The following CENPW variants were observed in gnomAD, a reference collection of about 807,000 sequenced individuals.
The protein encoded by CENPW is cancer-up-regulated gene 2 protein.
Under a neutral mutation model 11.1 loss-of-function variants are expected in CENPW, and 3 were observed. That is an observed-to-expected ratio of 0.27 (90% CI 0.12 to 0.70). The LOEUF is 0.70. Among genes scored for constraint, CENPW ranks in the 30% least tolerant of loss-of-function variants. The pLI, the probability that CENPW is intolerant of heterozygous loss-of-function variation, is 0.77. For synonymous variants in CENPW, 38 were observed against 42.0 expected (o/e 0.91, Z 0.37); for missense variants, 100 against 105.6 (o/e 0.95, Z 0.23).
the CENPW span, among the ~76,000 whole-genome samples, chr6:126,386,018 A>T: frequency 6.6e-6 from 1 of 152,274 alleles, no homozygotes; most frequent in African/African-American, 2.4e-5. Flanking sequence ...ATAAACCAAG[A>T]GAGTATAAAT....
At chr6:126,460,305 A>G in the CENPW span, among the ~76,000 whole-genome samples, 1 of 151,718 alleles carries the variant, frequency 6.6e-6, no homozygotes, top group African/African-American at 2.4e-5. Flanking sequence ...TAATGTAACC[A>G]ATATTGTTCA....
chr6:126,382,028 G>C, the CENPW span, among the ~76,000 whole-genome samples: 1 of 152,146 alleles, frequency 6.6e-6, no homozygotes, highest in African/African-American at 2.4e-5. Flanking sequence ...GAGGTCAGGA[G>C]TTTGAGACCA....
chr6:126,475,148 A>T, the CENPW span, among the ~76,000 whole-genome samples: 2 of 152,122 alleles, frequency 1.3e-5, no homozygotes, highest in African/African-American at 4.8e-5. Context: ...TGTTTTGAAA[A>T]TTCAAAACTT....
the CENPW span, among the ~76,000 whole-genome samples, chr6:126,435,451 C>T: frequency 2.5e-3 from 377 of 151,634 alleles, no homozygotes; most frequent in African/African-American, 8.9e-3. Flanking sequence ...TTTCTGCCTT[C>T]CTGGTGGTCT....
At chr6:126,454,412 G>T in the CENPW span, among the ~76,000 whole-genome samples, 1 of 151,298 alleles carries the variant, frequency 6.6e-6, no homozygotes, top group South Asian at 2.1e-4. Context: ...TTAATACTAA[G>T]AAAATTGCTC....
At chr6:126,438,459 T>C in the CENPW span, among the ~76,000 whole-genome samples, 1,311 of 150,196 alleles carry the variant, frequency 8.7e-3, 17 homozygotes, top group Non-Finnish European at 0.014. Flanking sequence ...AAAAAATTAA[T>C]AACATATTAA....
At chr6:126,415,664 C>G in the CENPW span, among the ~76,000 whole-genome samples, 3 of 152,316 alleles carry the variant, frequency 2.0e-5, no homozygotes, top group Admixed American at 1.3e-4. Context: ...CTTTCTCGTG[C>G]TGTTCTCATG....
chr6:126,385,054 A>G, the CENPW span, among the ~76,000 whole-genome samples: 8 of 152,146 alleles, frequency 5.3e-5, no homozygotes, highest in Non-Finnish European at 1.0e-4. Context: ...CAAAACCACC[A>G]TAAGATACTG....
chr6:126,428,697 C>A, the CENPW span, among the ~76,000 whole-genome samples: 3 of 152,120 alleles, frequency 2.0e-5, no homozygotes, highest in African/African-American at 7.2e-5. Context: ...TAAAAATTTT[C>A]TTTTACTGGC....
the CENPW span, among the ~76,000 whole-genome samples, chr6:126,409,827 A>G: frequency 5.9e-5 from 9 of 152,066 alleles, no homozygotes; most frequent in East Asian, 1.5e-3. Flanking sequence ...ATTTCTCACA[A>G]GTAGCATATA....
At chr6:126,411,887 C>T in the CENPW span, among the ~76,000 whole-genome samples, 6 of 151,008 alleles carry the variant, frequency 4.0e-5, no homozygotes, top group Admixed American at 4.0e-4. Context: ...TTCCGTCCTT[C>T]CTACCTTCCT....
the CENPW span, among the ~76,000 whole-genome samples, chr6:126,375,341 G>T: frequency 1.8e-4 from 27 of 152,192 alleles, no homozygotes; most frequent in African/African-American, 6.0e-4. Flanking sequence ...GGAAGGGAAG[G>T]CATTTGAATG....
At chr6:126,381,416 T>A in the CENPW span, among the ~76,000 whole-genome samples, 1 of 152,158 alleles carries the variant, frequency 6.6e-6, no homozygotes, top group Admixed American at 6.5e-5. Context: ...TTAAACTATA[T>A]GTGAGCACCT....
chr6:126,389,156 T>C, the CENPW span, among the ~76,000 whole-genome samples: 1 of 151,906 alleles, frequency 6.6e-6, no homozygotes, highest in Non-Finnish European at 1.5e-5. Context: ...TACCTATCAC[T>C]CTCTAACTGA....
At chr6:126,424,965 A>G in the CENPW span, among the ~76,000 whole-genome samples, 1 of 152,004 alleles carries the variant, frequency 6.6e-6, no homozygotes, top group East Asian at 1.9e-4. Flanking sequence ...TGTTTCCTGA[A>G]TCTGCTTAGT....
chr6:126,393,757 A>G, the CENPW span, among the ~76,000 whole-genome samples: 2 of 149,312 alleles, frequency 1.3e-5, no homozygotes, highest in Non-Finnish European at 3.0e-5. Context: ...TACATATATA[A>G]AAATTATATG....
the CENPW span, among the ~76,000 whole-genome samples, chr6:126,453,688 T>C: frequency 6.6e-6 from 1 of 151,038 alleles, no homozygotes; most frequent in East Asian, 2.0e-4. Context: ...GAGGACAAGA[T>C]CAAATCTGCA....
the CENPW span, among the ~76,000 whole-genome samples, chr6:126,482,185 G>A: frequency 6.6e-6 from 1 of 151,824 alleles, no homozygotes; most frequent in Admixed American, 6.6e-5. Flanking sequence ...CATTTTCTTG[G>A]GCTGTTTGAT....
At chr6:126,384,209 C>A in the CENPW span, among the ~76,000 whole-genome samples, 1 of 152,018 alleles carries the variant, frequency 6.6e-6, no homozygotes, top group African/African-American at 2.4e-5. Flanking sequence ...CTAATGAGAG[C>A]AAAGATACAG....
Sources: allele counts gnomAD v4.1 joint callset (sites outside exome capture counted in the v4.1 genomes callset), GRCh38; gene constraint gnomAD v4.1.1; transcripts MANE v1.5; gene names NCBI Gene and HGNC (gene_info 2026-07-23, HGNC 2026-07-21).